Variants in REEP1 observed in about 807,000 individuals in gnomAD.
REEP1 encodes the protein receptor accessory protein 1.
Under a neutral mutation model 40.3 loss-of-function variants are expected in REEP1, and 22 were observed. The observed-to-expected ratio is 0.55, with a 90% CI of 0.39 to 0.78. REEP1 has a LOEUF of 0.78. Ranked by LOEUF, REEP1 falls within the 30% of genes least tolerant of loss-of-function variation. The pLI is 0.00. For missense variants in REEP1, 280 were observed against 361.1 expected (o/e 0.78, Z 1.82); for synonymous variants, 116 against 139.2 (o/e 0.83, Z 1.17).
chr2:86,265,339 T>C (rs554468889), intron 2 of REEP1, among the ~76,000 whole-genome samples: 11 of 152,268 alleles, frequency 7.2e-5, no homozygotes, highest in Admixed American at 5.2e-4. Context: ...GACCACATCT[T>C]AGCAATAAAA....
intron 1 of REEP1, among the ~76,000 whole-genome samples, chr2:86,327,229 T>C (rs891775497): frequency 6.6e-6 from 1 of 152,246 alleles, no homozygotes; most frequent in Non-Finnish European, 1.5e-5. Context: ...CCCCAGGATA[T>C]GCTGTTTTCT....
intron 1 of REEP1, among the ~76,000 whole-genome samples, chr2:86,313,238 A>C (rs1573033659): frequency 6.9e-6 from 1 of 145,724 alleles, no homozygotes; most frequent in Non-Finnish European, 1.5e-5. Context: ...GGCTCCCTAC[A>C]CCCTGAGTAG....
At position 86,214,203 on chromosome 2, in the gene REEP1, A is replaced by AGT. The variant is rs1673987600; in HGVS notation, c.*2834_*2835dup. On this transcript the variant is annotated 3_prime_UTR_variant, in exon 9 of 9. Transcript: ENST00000538924. The stretch of plus-strand genomic sequence containing the variant: ...CAAAATCCAGAATATCAGCTCTGGG[A>AGT]GTGTACACTGTTAGAGGATGAAGCA... 2 of 136,198 alleles carry AGT rather than the reference A, an allele frequency of 1.5e-5. No homozygotes were observed. Among genetic ancestry groups the AGT allele is most frequent in the Admixed American group, 1.6e-4 (2 of 12,322 alleles). The allele number at this position is 136,198 out of a possible 1,614,324, so 8.4% of individuals were successfully genotyped here. A position where few individuals can be genotyped will look rare whatever the true frequency, so the allele number is the denominator to read the frequency against.
At chr2:86,298,533 C>T (rs1278487099) in intron 1 of REEP1, among the ~76,000 whole-genome samples, 1 of 152,222 alleles carries the variant, frequency 6.6e-6, no homozygotes, top group South Asian at 2.1e-4. Context: ...GGGTGCCCTC[C>T]CCTCCACAGC....
rs944545808 is a variant in REEP1, at chr2:86,244,224, T to C, written c.417+7733A>G. Among the ~76,000 whole-genome samples, 6 of 152,200 alleles carry C rather than the reference T, an allele frequency of 3.9e-5. No homozygotes were observed. The East Asian group carries it at 1.2e-3, about 29-fold the overall frequency. On this transcript the variant is annotated intron_variant, in intron 5 of 8. Coordinates refer to ENST00000538924, the MANE Select transcript of REEP1 (RefSeq NM_001371279.1). ...ATGAGCTTTTGATTCCAAAAATAGTTTCATGGTGATTTAAAAGCAGTATTT... is the reference window on the plus strand; with the variant it reads ...ATGAGCTTTTGATTCCAAAAATAGTCTCATGGTGATTTAAAAGCAGTATTT...
chr2:86,296,354 T>C (rs1427558245), intron 1 of REEP1, among the ~76,000 whole-genome samples: 1 of 152,216 alleles, frequency 6.6e-6, no homozygotes, highest in Non-Finnish European at 1.5e-5. Context: ...AGAAGTTAAA[T>C]AGTTGGACTA....
intron 5 of REEP1, among the ~76,000 whole-genome samples, chr2:86,235,033 CA>C (rs1675238432): frequency 6.6e-6 from 1 of 152,194 alleles, no homozygotes; most frequent in African/African-American, 2.4e-5. Flanking sequence ...AGTGTTCAAG[CA>C]AACTGTTCAC....
chr2:86,326,538 C>A (rs547832929), intron 1 of REEP1, among the ~76,000 whole-genome samples: 2 of 152,086 alleles, frequency 1.3e-5, no homozygotes, highest in Admixed American at 6.5e-5. Context: ...AATGGTGAAA[C>A]CCCGTCTCTA....
In REEP1 at chr2:86,311,149, G is replaced by A. The variant is rs1320868608; in HGVS notation, c.32+26330C>T. Among the ~76,000 whole-genome samples, 4 of 152,136 alleles carry A rather than the reference G, an allele frequency of 2.6e-5. No homozygotes were observed. In the East Asian group the frequency reaches 7.7e-4, roughly 29 times the overall value. ...GAAGTTCCCCTAGGACTAAATTATG[G>A]GGTGACTGAACACCAATGCAAACTT... is the stretch of plus-strand genomic sequence containing the variant. On this transcript the variant is annotated intron_variant, in intron 1 of 8. Coordinates refer to ENST00000538924, the MANE Select transcript of REEP1 (RefSeq NM_001371279.1).
At chr2:86,332,436 A>AACACACACACACACACAC (rs55793634) in intron 1 of REEP1, among the ~76,000 whole-genome samples, 21 of 136,230 alleles carry the variant, frequency 1.5e-4, no homozygotes, top group African/African-American at 5.1e-4. Flanking sequence ...CTTTCCTGGA[A>AACACACACACACACACAC]ACACACACAC....
intron 1 of REEP1, among the ~76,000 whole-genome samples, chr2:86,319,468 C>A (rs1235310649): frequency 6.6e-6 from 1 of 151,814 alleles, no homozygotes; most frequent in Non-Finnish European, 1.5e-5. Flanking sequence ...ACGCCTGTAC[C>A]CCCAGCACTT....
intron 5 of REEP1, among the ~76,000 whole-genome samples, chr2:86,240,780 A>G (rs949841089): frequency 2.0e-5 from 3 of 152,226 alleles, no homozygotes; most frequent in African/African-American, 7.2e-5. Context: ...GCACATACCA[A>G]GAACTTGCAC....
upstream of REEP1, chr2:86,338,038 A>G: frequency 6.5e-7 from 1 of 1,537,210 alleles, no homozygotes; most frequent in Non-Finnish European, 8.7e-7. Flanking sequence ...ATCCAGACCT[A>G]ACCTCTTCAG....
rs1341355306 is a variant in REEP1, at chr2:86,228,114, T to C, written c.596-716A>G. Among the ~76,000 whole-genome samples, 4 of 152,296 alleles carry C rather than the reference T, an allele frequency of 2.6e-5. No individual in the cohort carries two copies. The East Asian group carries it at 7.7e-4, about 29-fold the overall frequency. On this transcript the variant is annotated intron_variant, in intron 6 of 8. Transcript: ENST00000538924. Reference sequence around the variant, plus strand: ...AGAGAGAGGGTCAGGCCAAGTACACTGCCCAGCCCCATCCTGGGTGCTGAA... The same window carrying C: ...AGAGAGAGGGTCAGGCCAAGTACACCGCCCAGCCCCATCCTGGGTGCTGAA...
chr2:86,254,421 G>T (rs571928159), intron 4 of REEP1, among the ~76,000 whole-genome samples: 1 of 152,188 alleles, frequency 6.6e-6, no homozygotes, highest in Non-Finnish European at 1.5e-5. Flanking sequence ...TTCACTTTGC[G>T]TGGTTAAATT....
intron 4 of REEP1, 108 bp downstream of exon 4, chr2:86,254,586 C>G: frequency 1.6e-6 from 2 of 1,236,030 alleles, no homozygotes; most frequent in Non-Finnish European, 2.3e-6. Flanking sequence ...TTGCTGGAGG[C>G]AAATGAGAGC....
intron 3 of REEP1, 25 bp downstream of exon 3, chr2:86,263,940 A>G (rs1465748550): frequency 6.3e-7 from 1 of 1,586,016 alleles, no homozygotes; most frequent in South Asian, 1.1e-5. Context: ...GTCCTTAGAA[A>G]CATCCCAACT....
chr2:86,245,754 CAT>C (rs1413305311), intron 5 of REEP1, among the ~76,000 whole-genome samples: 1 of 151,140 alleles, frequency 6.6e-6, no homozygotes, highest in African/African-American at 2.4e-5. Flanking sequence ...TGGTCCCCAA[CAT>C]ATACTCAATT....
At chr2:86,270,003 A>C (rs1558903050) in intron 2 of REEP1, among the ~76,000 whole-genome samples, 1 of 152,152 alleles carries the variant, frequency 6.6e-6, no homozygotes, top group Non-Finnish European at 1.5e-5. Flanking sequence ...CAAACAACCC[A>C]ATTAAAAAAT....
Sources: allele counts gnomAD v4.1 joint callset (sites outside exome capture counted in the v4.1 genomes callset), GRCh38; gene constraint gnomAD v4.1.1; transcripts MANE v1.5; gene names NCBI Gene and HGNC (gene_info 2026-07-23, HGNC 2026-07-21).